Variants in BMP7 observed in about 807,000 individuals in gnomAD.
BMP7 encodes the protein bone morphogenetic protein 7.
A neutral mutation model predicts 41.2 loss-of-function variants in BMP7; 12 were observed. The observed-to-expected ratio is 0.29, with a 90% confidence interval of 0.19 to 0.47. The LOEUF (loss-of-function observed/expected upper bound fraction) is 0.47. BMP7 is among the 20% of genes least tolerant of loss of function. BMP7 has a pLI of 0.99. For synonymous variants in BMP7, 248 were observed against 250.0 expected (o/e 0.99, Z 0.07); for missense variants, 467 against 606.0 (o/e 0.77, Z 2.41).
At chr20:57,218,556 GTA>G in intron 2 of BMP7, among the ~76,000 whole-genome samples, 1 of 150,350 alleles carries the variant, frequency 6.7e-6, no homozygotes, top group Middle Eastern at 3.6e-3. Flanking sequence ...CTGGTGTTTT[GTA>G]GTAGTAGCTG....
chr20:57,262,427 C>T (rs541832314), intron 1 of BMP7, among the ~76,000 whole-genome samples: 2 of 152,180 alleles, frequency 1.3e-5, no homozygotes, highest in African/African-American at 2.4e-5. Flanking sequence ...TCATAAGGTG[C>T]GGCCTTTAGT....
intron 3 of BMP7, among the ~76,000 whole-genome samples, chr20:57,186,876 G>A (rs1368621853): frequency 6.6e-6 from 1 of 152,090 alleles, no homozygotes; most frequent in African/African-American, 2.4e-5. Flanking sequence ...TTTAACGTTT[G>A]GCTTTCCTGC....
chr20:57,239,274 T>C (rs1256688745), intron 1 of BMP7, among the ~76,000 whole-genome samples: 1 of 152,214 alleles, frequency 6.6e-6, no homozygotes, highest in East Asian at 1.9e-4. Context: ...ACAGGGCCCA[T>C]GCAAGTTCGA....
chr20:57,212,797 C>A (rs1290556201), intron 2 of BMP7, among the ~76,000 whole-genome samples: 1 of 152,174 alleles, frequency 6.6e-6, no homozygotes, highest in African/African-American at 2.4e-5. Context: ...CAGAAGGAAG[C>A]CGGCCCCACC....
intron 1 of BMP7, among the ~76,000 whole-genome samples, chr20:57,256,875 C>T (rs1048204633): frequency 6.6e-6 from 1 of 150,600 alleles, no homozygotes; most frequent in Non-Finnish European, 1.5e-5. Context: ...GCAACAAAAG[C>T]GAAACTCCAT....
chr20:57,187,780 C>G (rs1984252235), intron 3 of BMP7, among the ~76,000 whole-genome samples: 1 of 152,134 alleles, frequency 6.6e-6, no homozygotes, highest in African/African-American at 2.4e-5. Flanking sequence ...GATGAAAAAC[C>G]CTTCGATTTC....
chr20:57,223,854 T>C (rs929657350), intron 2 of BMP7, among the ~76,000 whole-genome samples: 3 of 152,068 alleles, frequency 2.0e-5, no homozygotes, highest in Admixed American at 2.0e-4. Context: ...TGCTACCAAG[T>C]CATGAATCCG....
intron 2 of BMP7, among the ~76,000 whole-genome samples, chr20:57,217,545 T>G (rs2426699): frequency 6.6e-6 from 1 of 151,928 alleles, no homozygotes; most frequent in African/African-American, 2.4e-5. Context: ...ACAGCCAGAG[T>G]GTAGGGATTC....
chr20:57,181,285 G>C (rs577926066), intron 4 of BMP7, among the ~76,000 whole-genome samples: 28 of 152,214 alleles, frequency 1.8e-4, no homozygotes, highest in African/African-American at 6.7e-4. Flanking sequence ...TGGAAGGATA[G>C]CTTGAGCCCA....
chr20:57,172,159 G>C (rs147985083), intron 6 of BMP7, among the ~76,000 whole-genome samples: 1 of 152,108 alleles, frequency 6.6e-6, no homozygotes, highest in Non-Finnish European at 1.5e-5. Context: ...CCTGGCAGCC[G>C]GGGAGACATG....
At chr20:57,180,988 G>A (rs1318484273) in intron 4 of BMP7, among the ~76,000 whole-genome samples, 1 of 152,150 alleles carries the variant, frequency 6.6e-6, no homozygotes, top group South Asian at 2.1e-4. Flanking sequence ...CTATCCCCTC[G>A]CCAGGACCTT....
At chr20:57,207,467 C>T (rs1474734089) in intron 2 of BMP7, among the ~76,000 whole-genome samples, 1 of 152,214 alleles carries the variant, frequency 6.6e-6, no homozygotes, top group Non-Finnish European at 1.5e-5. Flanking sequence ...TTTTAAGCCA[C>T]TACATATGAG....
chr20:57,247,469 T>C (rs938119462), intron 1 of BMP7, among the ~76,000 whole-genome samples: 10 of 152,154 alleles, frequency 6.6e-5, no homozygotes, highest in African/African-American at 2.4e-4. Context: ...AGCCATTTAA[T>C]AGAAAGCAAA....
intron 2 of BMP7, among the ~76,000 whole-genome samples, chr20:57,221,489 A>C (rs1400438155): frequency 6.6e-6 from 1 of 152,154 alleles, no homozygotes; most frequent in African/African-American, 2.4e-5. Context: ...TCCCCAACCC[A>C]GTATTGTGCC....
chr20:57,212,954 A>G (rs1600626365), intron 2 of BMP7, among the ~76,000 whole-genome samples: 1 of 152,384 alleles, frequency 6.6e-6, no homozygotes, highest in East Asian at 1.9e-4. Context: ...GGCATCCCCC[A>G]GACGGGAAGA....
At chr20:57,254,174 C>T (rs554748646) in intron 1 of BMP7, among the ~76,000 whole-genome samples, 75 of 151,752 alleles carry the variant, frequency 4.9e-4, no homozygotes, top group African/African-American at 1.7e-3. Context: ...AGGTGTGTAC[C>T]ACCACACCCC....
intron 2 of BMP7, among the ~76,000 whole-genome samples, chr20:57,217,506 C>T (rs911331465): frequency 2.0e-5 from 3 of 152,194 alleles, no homozygotes; most frequent in South Asian, 2.1e-4. Flanking sequence ...CTGTGACCCA[C>T]GTCACTCAAG....
At chr20:57,235,334 T>G (rs1236670836) in intron 1 of BMP7, among the ~76,000 whole-genome samples, 1 of 152,208 alleles carries the variant, frequency 6.6e-6, no homozygotes, top group African/African-American at 2.4e-5. Flanking sequence ...CATACTCTTG[T>G]GCATGGCTTT....
intron 4 of BMP7, among the ~76,000 whole-genome samples, chr20:57,180,280 G>A (rs1205298619): frequency 9.4e-6 from 1 of 106,632 alleles, no homozygotes; most frequent in Non-Finnish European, 1.9e-5. Flanking sequence ...TGCCTGACCC[G>A]CCCACCCTCA....
Sources: gnomAD v4.1 joint callset for allele counts (sites outside exome capture counted in the v4.1 genomes callset) on GRCh38, gnomAD v4.1.1 for gene constraint, MANE v1.5 for transcripts, NCBI Gene and HGNC (gene_info 2026-07-23, HGNC 2026-07-21) for gene names.